The following MYO1A variants were observed in gnomAD, a reference collection of about 807,000 sequenced individuals.
MYO1A encodes the protein myosin IA.
In MYO1A, 127 loss-of-function variants were observed where a neutral mutation model predicts 138.5. The ratio of observed to expected loss-of-function variants is 0.92; its 90% CI spans 0.79 to 1.06. The LOEUF (loss-of-function observed/expected upper bound fraction) is 1.06, where lower values mean the gene tolerates loss of function less well. Among genes scored for constraint, MYO1A ranks in the 50% least tolerant of loss-of-function variants. The probability of loss-of-function intolerance (pLI) is 0.00; values close to 1 mark genes in which losing one functional copy is unlikely to be tolerated. For missense variants in MYO1A, 1,211 were observed against 1,288.8 expected (o/e 0.94, Z 0.92); for synonymous variants, 477 against 497.5 (o/e 0.96, Z 0.55).
rs773041279 is a variant in MYO1A, at chr12:57,043,118, C to T, written c.1052G>A (p.Ser351Asn). 6.2e-7 allele frequency: 1 copy of T among 1,614,224 alleles called. No individual in the cohort carries two copies. The highest frequency in any genetic ancestry group is 8.5e-7 in the Non-Finnish European group (1 of 1,180,046). Residue 351 changes from serine to asparagine, a missense_variant, in exon 12 of 28, where the codon AGC becomes AAC. Coordinates refer to ENST00000300119, the MANE Select transcript of MYO1A (RefSeq NM_005379.4). ...ARDALAKNIY[S>N]RLFDWIVNRI... ...ATTCACTATCCAGTCAAAGAGGCGG[C>T]TGTAGATGTTCTTAGCCAGGGCGTC...
chr12:57,043,406 C>T, intron 10 of MYO1A, 48 bp from the exon 11 acceptor site: 2 of 1,559,458 alleles, frequency 1.3e-6, no homozygotes, highest in Non-Finnish European at 1.8e-6. Context: ...AGCTTTCTCT[C>T]AGGGGAGGGA....
Position 57,036,289 on chromosome 12 carries a change from C to A in MYO1A, c.2349+18G>T. 6.2e-7 allele frequency: 1 copy of A among 1,612,640 alleles called. No homozygotes were observed. The highest frequency in any genetic ancestry group is 1.1e-5 in the South Asian group (1 of 90,986). ...CCCTGCTCCATCCCTAACATCCACCCTAACCCCTACCACTTACCATGCTCT... is the reference window on the plus strand; with the variant it reads ...CCCTGCTCCATCCCTAACATCCACCATAACCCCTACCACTTACCATGCTCT... On this transcript the variant is annotated intron_variant, in intron 22 of 27. Transcript: ENST00000300119.
chr12:57,043,717 G>A, intron 10 of MYO1A, 139 bp downstream of exon 10: 2 of 1,126,088 alleles, frequency 1.8e-6, no homozygotes, highest in Admixed American at 2.0e-5. Flanking sequence ...CAGTGAGTCT[G>A]TTTAGGGGAG....
At chr12:57,041,141 T>C in intron 14 of MYO1A, 43 bp downstream of exon 14, 1 of 1,460,566 alleles carries the variant, frequency 6.8e-7, no homozygotes, top group Non-Finnish European at 9.6e-7. Context: ...GGCATATGCC[T>C]AGAAGTTGTT....
chr12:57,029,712 G>A lies in MYO1A; in HGVS notation c.2724+28C>T, dbSNP rs59514028. ...CAGCCCACAGCTCTGCACTAGCTGC[G>A]GGAGGAGTTCAGCCTGCAGGCCCTT... On this transcript the variant is annotated intron_variant, in intron 25 of 27. Coordinates refer to ENST00000300119, the MANE Select transcript of MYO1A (RefSeq NM_005379.4). The A allele has an allele frequency of 3.6e-3, 5,845 of 1,614,104 alleles. 187 individuals are homozygous for A. The African/African-American group carries it at 0.067, about 19-fold the overall frequency.
intron 8 of MYO1A, among the ~76,000 whole-genome samples, chr12:57,045,549 A>T (rs2136456545): frequency 6.6e-6 from 1 of 152,334 alleles, no homozygotes; most frequent in South Asian, 2.1e-4. Flanking sequence ...GAACATAACC[A>T]AAACTATTAA....
intron 14 of MYO1A, 192 bp from the exon 15 acceptor site, chr12:57,039,466 C>G (rs971503400): frequency 6.4e-6 from 4 of 623,074 alleles, no homozygotes; most frequent in African/African-American, 1.8e-5. Context: ...GGTGGGTAGA[C>G]AGACACACGG....
chr12:57,028,738 T>C lies in MYO1A; in HGVS notation c.*17A>G. 6.2e-7 allele frequency: 1 copy of C among 1,613,800 alleles called. No individual in the cohort carries two copies. Among genetic ancestry groups the C allele is most frequent in the Non-Finnish European group, 8.5e-7 (1 of 1,179,832 alleles). On this transcript the variant is annotated 3_prime_UTR_variant, in exon 28 of 28. Transcript: ENST00000300119. ...TTCAGGAGGAAGCAACTGCCATCTC[T>C]GCATGGTGCCCCCTCCTCACTGCAC...
At chr12:57,033,179 C>A (rs1383619650) in intron 22 of MYO1A, among the ~76,000 whole-genome samples, 1 of 152,122 alleles carries the variant, frequency 6.6e-6, no homozygotes, top group Non-Finnish European at 1.5e-5. Flanking sequence ...CTAAGAAAAT[C>A]AACATCACTA....
At chr12:57,050,900 G>C (rs1234546902), upstream of MYO1A, 1 of 152,176 alleles carries the variant, frequency 6.6e-6, no homozygotes, top group Non-Finnish European at 1.5e-5. Context: ...GCAGAACCAG[G>C]AACAGAATGC....
At chr12:57,048,638 G>A (rs1178902291) in intron 1 of MYO1A, among the ~76,000 whole-genome samples, 2 of 152,196 alleles carry the variant, frequency 1.3e-5, no homozygotes, top group Non-Finnish European at 2.9e-5. Context: ...GGCACCCAGT[G>A]GGCTACAACT....
intron 19 of MYO1A, 134 bp downstream of exon 19, chr12:57,037,414 G>A (rs1018112718): frequency 3.3e-6 from 3 of 899,486 alleles, no homozygotes; most frequent in Admixed American, 1.7e-5. Flanking sequence ...TACGGTTCCT[G>A]CAGACAGGAA....
intron 22 of MYO1A, 90 bp downstream of exon 22, chr12:57,036,217 A>C: frequency 1.6e-6 from 2 of 1,286,436 alleles, no homozygotes; most frequent in Non-Finnish European, 2.3e-6. Flanking sequence ...TCTTGGGGGA[A>C]AGCTTTGGGT....
intron 8 of MYO1A, among the ~76,000 whole-genome samples, chr12:57,045,934 C>G (rs1592483224): frequency 6.6e-6 from 1 of 152,232 alleles, no homozygotes; most frequent in South Asian, 2.1e-4. Context: ...CCTCTTATCC[C>G]TAGAAGACTA....
chr12:57,047,324 G>T lies in MYO1A; in HGVS notation c.409C>A (p.Gln137Lys), dbSNP rs1487372801. 2.5e-6 allele frequency: 4 copies of T among 1,613,968 alleles called. No homozygotes were observed. The Admixed American group carries it at 5.0e-5, about 20-fold the overall frequency. Residue 137 changes from glutamine to lysine, a missense_variant, in exon 5 of 28, where the codon CAG becomes AAG. By Grantham distance (53) the Gln-to-Lys change is moderately conservative (BLOSUM62 1). Coordinates refer to ENST00000300119, the MANE Select transcript of MYO1A (RefSeq NM_005379.4). ...QVNSVKEQLLQSNPVLEAFGN... is the reference protein window; with the variant it reads ...QVNSVKEQLLKSNPVLEAFGN... ...TCACCCTCCAGCACTGGGTTAGACT[G>T]TAGCAGCTGCTCCTTCACAGAGTTC...
At chr12:57,034,870 G>T (rs908706706) in intron 22 of MYO1A, among the ~76,000 whole-genome samples, 1 of 152,188 alleles carries the variant, frequency 6.6e-6, no homozygotes, top group Non-Finnish European at 1.5e-5. Context: ...GGAGGCTGAG[G>T]CAGGATAATC....
Position 57,031,086 on chromosome 12 carries a change from A to T in MYO1A, c.2438T>A (p.Leu813His). The T allele has an allele frequency of 1.2e-6, 2 of 1,614,120 alleles. No individual in the cohort carries two copies. The highest frequency in any genetic ancestry group is 1.7e-6 in the Non-Finnish European group (2 of 1,180,026). Reference sequence around the variant, plus strand: ...CTGCAGCTCCTGATTTGCTGTGCTGAGGCACTTGTAGGGGGCGGCTGGCCA... The same window carrying T: ...CTGCAGCTCCTGATTTGCTGTGCTGTGGCACTTGTAGGGGGCGGCTGGCCA... ...KTWPAAPYKC[L>H]STANQELQQL... is the part of the protein sequence containing the mutation. The change falls in exon 23 of 28, where the codon CTC (leucine) becomes CAC (histidine). Residue 813 changes from leucine to histidine, a missense_variant. Coordinates refer to ENST00000300119, the MANE Select transcript of MYO1A (RefSeq NM_005379.4).
At chr12:57,040,385 T>C in intron 14 of MYO1A, among the ~76,000 whole-genome samples, 1 of 152,160 alleles carries the variant, frequency 6.6e-6, no homozygotes, top group East Asian at 1.9e-4. Context: ...TAAGGACTTC[T>C]GGAAGGAAGC....
rs2065527177 is a variant in MYO1A at position 57,048,300 on chromosome 12, C to CA, written c.23dup (p.Val10GlyfsTer24). 6.2e-7 allele frequency: 1 copy of CA among 1,614,044 alleles called. No individual in the cohort carries two copies. The highest frequency in any genetic ancestry group is 1.7e-5 in the Admixed American group (1 of 60,002). Reference sequence around the variant, plus strand: ...CCAGGAGGACAAGATCCTCCACCCCCACAGAACCTTCCAGGAGAGGCATGT... The same window carrying CA: ...CCAGGAGGACAAGATCCTCCACCCCCAACAGAACCTTCCAGGAGAGGCATGT... On this transcript the variant is annotated frameshift_variant, in exon 2 of 28. Transcript: ENST00000300119. LOFTEE classifies it high-confidence loss of function.
Sources: gnomAD v4.1 joint callset for allele counts (sites outside exome capture counted in the v4.1 genomes callset) on GRCh38, gnomAD v4.1.1 for gene constraint, MANE v1.5 for transcripts, NCBI Gene and HGNC (gene_info 2026-07-23, HGNC 2026-07-21) for gene names.